Variants in SRBD1 observed in about 807,000 individuals in gnomAD.
SRBD1 encodes the protein S1 RNA-binding domain-containing protein 1.
Under a neutral mutation model 115.3 loss-of-function variants are expected in SRBD1, and 88 were observed. The observed-to-expected ratio is 0.76, with a 90% CI of 0.64 to 0.91. The LOEUF is 0.91. Among genes scored for constraint, SRBD1 ranks in the 40% least tolerant of loss-of-function variants. The probability of loss-of-function intolerance (pLI) is 0.00; values close to 1 mark genes in which losing one functional copy is unlikely to be tolerated. For missense variants in SRBD1, 1,385 were observed against 1,177.4 expected (o/e 1.18, Z -2.58); for synonymous variants, 509 against 407.7 (o/e 1.25, Z -2.99).
At chr2:45,532,643 G>A (rs1671647425) in intron 14 of SRBD1, among the ~76,000 whole-genome samples, 1 of 151,758 alleles carries the variant, frequency 6.6e-6, no homozygotes, top group South Asian at 2.1e-4. Context: ...CCTTCAAAAT[G>A]CAAGTGCTAT....
At chr2:45,583,563 T>G (rs953633787) in intron 5 of SRBD1, among the ~76,000 whole-genome samples, 2 of 152,340 alleles carry the variant, frequency 1.3e-5, no homozygotes, top group African/African-American at 4.8e-5. Flanking sequence ...ATTGAAACAT[T>G]TCATGAAACA....
chr2:45,398,783 TA>T (rs571808509), intron 19 of SRBD1, among the ~76,000 whole-genome samples: 3 of 152,142 alleles, frequency 2.0e-5, no homozygotes, highest in Non-Finnish European at 4.4e-5. Context: ...AGTGAAATAA[TA>T]ACCAATGCCA....
At chr2:45,440,405 TA>T (rs952675250) in intron 16 of SRBD1, among the ~76,000 whole-genome samples, 1 of 152,180 alleles carries the variant, frequency 6.6e-6, no homozygotes, top group African/African-American at 2.4e-5. Context: ...TCATAAATCC[TA>T]AATGTCTGCC....
chr2:45,424,737 G>A (rs1270287123), intron 16 of SRBD1, among the ~76,000 whole-genome samples: 1 of 152,130 alleles, frequency 6.6e-6, no homozygotes, highest in Non-Finnish European at 1.5e-5. Context: ...GTATTTCCTA[G>A]TGTGTCAAAA....
chr2:45,587,065 A>G (rs921315875), intron 4 of SRBD1, among the ~76,000 whole-genome samples: 3 of 139,490 alleles, frequency 2.2e-5, no homozygotes, highest in African/African-American at 8.3e-5. Context: ...ATTTTAAATT[A>G]TAAATATTAA....
chr2:45,591,900 T>A (rs1673737286), intron 4 of SRBD1, among the ~76,000 whole-genome samples: 1 of 151,892 alleles, frequency 6.6e-6, no homozygotes, highest in Admixed American at 6.6e-5. Flanking sequence ...AATGGTGGAG[T>A]ATGACCTTCC....
chr2:45,534,864 G>A (rs1171691269), intron 14 of SRBD1, among the ~76,000 whole-genome samples: 13 of 151,730 alleles, frequency 8.6e-5, no homozygotes, highest in Non-Finnish European at 1.5e-5. Flanking sequence ...AAAAGAAAAA[G>A]GTCCAGGTGG....
At position 45,468,018 on chromosome 2, in the gene SRBD1, T is replaced by C. The variant is rs542719946; in HGVS notation, c.2049+8975A>G. 1.4e-4 allele frequency among the ~76,000 whole-genome samples: 22 copies of C among 152,278 alleles called. 1 individual carries two copies. The highest frequency in any genetic ancestry group is 4.6e-4 in the African/African-American group (19 of 41,562). On this transcript the variant is annotated intron_variant, in intron 16 of 20. Coordinates refer to ENST00000263736, the MANE Select transcript of SRBD1 (RefSeq NM_018079.5). ...TTTAAGAAATAAGATATTATAAATA[T>C]GATTGAAACTCCTGGTGTACCTCTC...
At chr2:45,439,568 T>G (rs960951518) in intron 16 of SRBD1, among the ~76,000 whole-genome samples, 4 of 151,120 alleles carry the variant, frequency 2.6e-5, no homozygotes, top group Middle Eastern at 6.3e-3. Context: ...AATGAAAAAC[T>G]AAAAATGATT....
At chr2:45,418,583 T>C (rs1667904386) in intron 17 of SRBD1, 42 bp from the exon 18 acceptor site, 1 of 1,571,586 alleles carries the variant, frequency 6.4e-7, no homozygotes, top group Non-Finnish European at 8.6e-7. Context: ...AGATCTCATC[T>C]GAAAAGACAA....
At chr2:45,531,878 C>G (rs1671623775) in intron 14 of SRBD1, among the ~76,000 whole-genome samples, 1 of 151,784 alleles carries the variant, frequency 6.6e-6, no homozygotes, top group African/African-American at 2.4e-5. Context: ...AATAAACAGG[C>G]TGGAAGTTAA....
At chr2:45,410,369 T>C (rs1036108976) in intron 19 of SRBD1, among the ~76,000 whole-genome samples, 8 of 152,178 alleles carry the variant, frequency 5.3e-5, no homozygotes, top group African/African-American at 1.9e-4. Context: ...TCAATTCCTC[T>C]CGTATGTATT....
At chr2:45,477,399 A>G (rs1669836104) in intron 15 of SRBD1, among the ~76,000 whole-genome samples, 1 of 152,360 alleles carries the variant, frequency 6.6e-6, no homozygotes, top group South Asian at 2.1e-4. Context: ...TTCTTTACGT[A>G]AAGCATAATA....
chr2:45,430,426 G>T (rs994773927), intron 16 of SRBD1, among the ~76,000 whole-genome samples: 1 of 152,094 alleles, frequency 6.6e-6, no homozygotes, highest in Non-Finnish European at 1.5e-5. Context: ...AAACAGCATG[G>T]TACTGGTACC....
chr2:45,492,629 C>T (rs1242260834), intron 14 of SRBD1, among the ~76,000 whole-genome samples: 2 of 152,070 alleles, frequency 1.3e-5, no homozygotes, highest in East Asian at 1.9e-4. Flanking sequence ...GTAGTAGAGA[C>T]GGGGTTTCAC....
chr2:45,477,675 A>C (rs1669844579), intron 15 of SRBD1, among the ~76,000 whole-genome samples: 1 of 152,112 alleles, frequency 6.6e-6, no homozygotes, highest in Non-Finnish European at 1.5e-5. Context: ...TCACCCCTCC[A>C]AAGTGTTGGG....
intron 14 of SRBD1, among the ~76,000 whole-genome samples, chr2:45,512,276 C>T (rs1003128792): frequency 6.6e-5 from 10 of 152,120 alleles, no homozygotes; most frequent in African/African-American, 2.4e-4. Flanking sequence ...ACCTATAGAC[C>T]ATACTTCCTT....
At chr2:45,441,081 G>A (rs1172054247) in intron 16 of SRBD1, among the ~76,000 whole-genome samples, 2 of 152,160 alleles carry the variant, frequency 1.3e-5, no homozygotes, top group African/African-American at 4.8e-5. Context: ...AGTCAGATGT[G>A]AACTGGCTTC....
At chr2:45,580,278 C>T (rs979697517) in intron 6 of SRBD1, among the ~76,000 whole-genome samples, 7 of 152,120 alleles carry the variant, frequency 4.6e-5, no homozygotes, top group African/African-American at 1.4e-4. Flanking sequence ...GCTTGGACTG[C>T]AAAGTCCTCA....
Sources: allele counts gnomAD v4.1 joint callset (sites outside exome capture counted in the v4.1 genomes callset), GRCh38; gene constraint gnomAD v4.1.1; transcripts MANE v1.5; gene names NCBI Gene and HGNC (gene_info 2026-07-23, HGNC 2026-07-21).